ADAM10: variants seen among roughly 807,000 people sequenced by gnomAD.
The protein encoded by ADAM10 is ADAM metallopeptidase domain 10, also known as disintegrin and metalloproteinase domain-containing protein 10.
In ADAM10, 17 loss-of-function variants were observed where a neutral mutation model predicts 90.1. The ratio of observed to expected loss-of-function variants is 0.19; its 90% CI spans 0.13 to 0.28. The LOEUF (loss-of-function observed/expected upper bound fraction) is 0.28. Among genes scored for constraint, ADAM10 ranks in the 10% least tolerant of loss-of-function variants. ADAM10 has a pLI of 1.00. For synonymous variants in ADAM10, 310 were observed against 298.6 expected (o/e 1.04, Z -0.40); for missense variants, 610 against 914.3 (o/e 0.67, Z 4.29).
chr15:58,743,394 C>T (rs1899677484), intron 1 of ADAM10, among the ~76,000 whole-genome samples: 1 of 152,056 alleles, frequency 6.6e-6, no homozygotes, highest in African/African-American at 2.4e-5. Flanking sequence ...TTAAGCTAGA[C>T]CCTTCCAAAA....
intron 4 of ADAM10, among the ~76,000 whole-genome samples, chr15:58,667,427 G>A (rs781571892): frequency 2.3e-4 from 35 of 151,984 alleles, no homozygotes; most frequent in Admixed American, 7.2e-4. Flanking sequence ...CTCCAACAGG[G>A]TACCCCTCAG....
At chr15:58,741,439 G>C (rs1486594353) in intron 1 of ADAM10, among the ~76,000 whole-genome samples, 1 of 152,142 alleles carries the variant, frequency 6.6e-6, no homozygotes, top group Non-Finnish European at 1.5e-5. Context: ...ACTAGCCAGA[G>C]ATTAAAGATC....
intron 1 of ADAM10, among the ~76,000 whole-genome samples, chr15:58,729,573 T>C (rs369058275): frequency 4.6e-5 from 7 of 152,306 alleles, no homozygotes; most frequent in African/African-American, 1.7e-4. Flanking sequence ...AGAAATTCCG[T>C]GACTTCTACC....
intron 1 of ADAM10, among the ~76,000 whole-genome samples, chr15:58,720,134 C>A (rs767115597): frequency 2.2e-4 from 34 of 152,140 alleles, no homozygotes; most frequent in South Asian, 2.1e-4. Flanking sequence ...GTTTTTTAAT[C>A]TGTAAAATGG....
intron 5 of ADAM10, among the ~76,000 whole-genome samples, chr15:58,647,096 T>C (rs975663558): frequency 5.9e-5 from 9 of 152,092 alleles, no homozygotes; most frequent in African/African-American, 1.9e-4. Context: ...TAGTGCAACC[T>C]TACATTTATT....
intron 2 of ADAM10, among the ~76,000 whole-genome samples, chr15:58,705,317 G>A (rs2046068552): frequency 6.6e-6 from 1 of 152,082 alleles, no homozygotes; most frequent in African/African-American, 2.4e-5. Flanking sequence ...CCACTGTATT[G>A]ATTTTATGAA....
intron 5 of ADAM10, among the ~76,000 whole-genome samples, chr15:58,657,737 T>C (rs1186521022): frequency 1.3e-5 from 2 of 152,200 alleles, no homozygotes; most frequent in East Asian, 1.9e-4. Context: ...CATGTTTTCC[T>C]GGATGGTCTG....
In ADAM10 at chr15:58,686,220, T is replaced by G. The variant is rs529764181; in HGVS notation, c.207-3906A>C. ...TGTTAGTTGACCAATTACTGGATCT[T>G]ACAAGAGACAGGGATACATCGAAGT... On this transcript the variant is annotated intron_variant, in intron 2 of 15. Transcript: ENST00000260408. Among the ~76,000 whole-genome samples the G allele has an allele frequency of 2.0e-5, 3 of 152,280 alleles. No homozygotes were observed. The East Asian group carries it at 5.8e-4, about 29-fold the overall frequency.
chr15:58,601,856 T>A (rs1172661841), intron 14 of ADAM10, among the ~76,000 whole-genome samples: 1 of 152,234 alleles, frequency 6.6e-6, no homozygotes, highest in Non-Finnish European at 1.5e-5. Context: ...TGGGTTCCTC[T>A]GGTGTTTCTT....
chr15:58,598,650 C>G (rs868298527), intron 15 of ADAM10, among the ~76,000 whole-genome samples: 1 of 152,216 alleles, frequency 6.6e-6, no homozygotes. Context: ...AGTTCTGGCT[C>G]TCCCCTGCTG....
intron 2 of ADAM10, among the ~76,000 whole-genome samples, chr15:58,697,738 G>GCCACCTGGAGGCCCAAGAATCAGC (rs1898018543): frequency 1.3e-5 from 2 of 152,128 alleles, no homozygotes; most frequent in Non-Finnish European, 1.5e-5. Flanking sequence ...ACCCAAGTAA[G>GCCACCTGGAGGCCCAAGAATCAGC]CCACCTGGAG....
intron 14 of ADAM10, chr15:58,609,410 T>A (rs558997882): frequency 6.6e-6 from 1 of 152,204 alleles, no homozygotes; most frequent in East Asian, 1.9e-4. Context: ...GGGTTAACTA[T>A]AAAATTTTTA....
chr15:58,684,363 AG>A (rs1296227995), intron 2 of ADAM10, among the ~76,000 whole-genome samples: 1 of 152,200 alleles, frequency 6.6e-6, no homozygotes, highest in Admixed American at 6.5e-5. Flanking sequence ...TATGCTAATG[AG>A]GTGACTTAGA....
chr15:58,685,678 T>C (rs1235538093), intron 2 of ADAM10, among the ~76,000 whole-genome samples: 4 of 150,156 alleles, frequency 2.7e-5, no homozygotes, highest in African/African-American at 9.8e-5. Flanking sequence ...AGATACACAA[T>C]AAACTAGTAA....
intron 10 of ADAM10, among the ~76,000 whole-genome samples, chr15:58,627,108 A>T (rs1171720385): frequency 1.3e-5 from 2 of 152,198 alleles, no homozygotes; most frequent in African/African-American, 4.8e-5. Context: ...GTACTCAGCA[A>T]TAAAAAGGAG....
intron 2 of ADAM10, among the ~76,000 whole-genome samples, chr15:58,689,541 A>C (rs1344942528): frequency 6.6e-6 from 1 of 152,158 alleles, no homozygotes; most frequent in Non-Finnish European, 1.5e-5. Context: ...TAACTTTTTT[A>C]ATGCTGAAAG....
At chr15:58,680,748 A>C (rs1488488617) in intron 3 of ADAM10, among the ~76,000 whole-genome samples, 1 of 152,214 alleles carries the variant, frequency 6.6e-6, no homozygotes, top group Non-Finnish European at 1.5e-5. Flanking sequence ...AATAACATTA[A>C]TTAGTTGCCT....
chr15:58,630,670 G>C (rs1315694876), intron 9 of ADAM10, among the ~76,000 whole-genome samples: 1 of 151,998 alleles, frequency 6.6e-6, no homozygotes, highest in East Asian at 1.9e-4. Context: ...ATTTCAGATA[G>C]GATAAATACA....
At chr15:58,720,748 A>G (rs550571087) in intron 1 of ADAM10, among the ~76,000 whole-genome samples, 3 of 152,328 alleles carry the variant, frequency 2.0e-5, no homozygotes, top group East Asian at 1.9e-4. Context: ...AATCAAATAT[A>G]CCAATGCATC....
Sources: gnomAD v4.1 joint callset for allele counts (sites outside exome capture counted in the v4.1 genomes callset) on GRCh38, gnomAD v4.1.1 for gene constraint, MANE v1.5 for transcripts, NCBI Gene and HGNC (gene_info 2026-07-23, HGNC 2026-07-21) for gene names.